SMIM14: variants seen among roughly 807,000 people sequenced by gnomAD.
The protein encoded by SMIM14 is chromosome 4 open reading frame 34.
Under a neutral mutation model 12.6 loss-of-function variants are expected in SMIM14, and 5 were observed. The ratio of observed to expected loss-of-function variants is 0.40; its 90% CI spans 0.21 to 0.83. The LOEUF (loss-of-function observed/expected upper bound fraction) is 0.83, where lower values mean the gene tolerates loss of function less well. Among genes scored for constraint, SMIM14 ranks in the 40% least tolerant of loss-of-function variants. The pLI, the probability that SMIM14 is intolerant of heterozygous loss-of-function variation, is 0.37. For synonymous variants in SMIM14, 30 were observed against 40.1 expected (o/e 0.75, Z 0.95); for missense variants, 86 against 119.1 (o/e 0.72, Z 1.29).
Position 39,549,613 on chromosome 4 carries a change from A to G in SMIM14, c.*2513T>C, listed in dbSNP as rs1038143670. 6.6e-6 allele frequency: 1 copy of G among 152,204 alleles called. No homozygotes were observed. Among genetic ancestry groups the G allele is most frequent in the African/African-American group, 2.4e-5 (1 of 41,446 alleles). 9.4% of individuals were successfully genotyped at this position (152,204 alleles called of 1,614,324 possible). A position where few individuals can be genotyped will look rare whatever the true frequency, so the allele number is the denominator to read the frequency against. ...TCAATTATTTGTGAGCCATAGATTCAGTGACTACATCAATATCTCTTGCCA... is the reference window on the plus strand; with the variant it reads ...TCAATTATTTGTGAGCCATAGATTCGGTGACTACATCAATATCTCTTGCCA... On this transcript the variant is annotated 3_prime_UTR_variant, in exon 5 of 5. Transcript: ENST00000295958.
intron 2 of SMIM14, among the ~76,000 whole-genome samples, chr4:39,595,643 CTG>C (rs1394478191): frequency 6.8e-6 from 1 of 147,488 alleles, no homozygotes; most frequent in African/African-American, 2.5e-5. Context: ...GAGTCTCACT[CTG>C]TGGCCCAGGC....
At position 39,601,946 on chromosome 4, in the gene SMIM14, T is replaced by TCA. The variant is rs200465052; in HGVS notation, c.75+3124_75+3125insTG. 9.1e-4 allele frequency among the ~76,000 whole-genome samples: 70 copies of TCA among 77,280 alleles called. 7 individuals carry two copies. Among genetic ancestry groups the TCA allele is most frequent in the Non-Finnish European group, 1.4e-3 (51 of 37,014 alleles). 50.7% of individuals were successfully genotyped at this position (77,280 alleles called of 152,430 possible). On this transcript the variant is annotated intron_variant, in intron 2 of 4. Transcript: ENST00000295958. Reference sequence around the variant, plus strand: ...TGGGGGAAAAGAATAAGACCCTATCTTAAAAAAAAAAAACAAAAAAAATGC... The same window carrying TCA: ...TGGGGGAAAAGAATAAGACCCTATCTCATAAAAAAAAAAAACAAAAAAAATGC...
chr4:39,576,275 C>G lies in SMIM14; in HGVS notation c.76-3812G>C, dbSNP rs189476707. On this transcript the variant is annotated intron_variant, in intron 2 of 4. Coordinates refer to ENST00000295958, the MANE Select transcript of SMIM14 (RefSeq NM_174921.3). ...CACATATTTTTTAAATGTCAGAGAC[C>G]CATGCAGAGAATGAAAATAGCATGG... 5.2e-3 allele frequency among the ~76,000 whole-genome samples: 794 copies of G among 151,496 alleles called. 5 individuals are homozygous for G. The highest frequency in any genetic ancestry group is 7.9e-3 in the Admixed American group (120 of 15,158).
At chr4:39,594,064 T>C (rs1271973665) in intron 2 of SMIM14, 3 of 152,132 alleles carry the variant, frequency 2.0e-5, no homozygotes, top group Non-Finnish European at 1.5e-5. Context: ...TTAAAGTTCA[T>C]ATGGAACCAA....
At position 39,626,345 on chromosome 4, in the gene SMIM14, G is replaced by T. The variant is rs181298005; in HGVS notation, c.-36+12394C>A. Among the ~76,000 whole-genome samples the T allele has an allele frequency of 2.0e-5, 3 of 152,176 alleles. No individual in the cohort carries two copies. The East Asian group carries it at 5.8e-4, about 29-fold the overall frequency. On this transcript the variant is annotated intron_variant, in intron 1 of 4. Coordinates refer to ENST00000295958, the MANE Select transcript of SMIM14 (RefSeq NM_174921.3). ...TATTCAACAAATCACAACTTCACAA[G>T]TGGCACTATTACAACTTTGGAGATA... is the stretch of plus-strand genomic sequence containing the variant.
chr4:39,596,198 C>G (rs1017530037), intron 2 of SMIM14, among the ~76,000 whole-genome samples: 1 of 152,012 alleles, frequency 6.6e-6, no homozygotes, highest in South Asian at 2.1e-4. Context: ...CAGGTCCAAG[C>G]GATTCTCCTG....
chr4:39,552,241 G>T (rs1212145400), intron 4 of SMIM14, 83 bp from the exon 5 acceptor site: 3 of 1,244,590 alleles, frequency 2.4e-6, no homozygotes, highest in South Asian at 1.6e-5. Context: ...TTTAAAAATT[G>T]ACTTATTAAA....
At chr4:39,556,087 T>C (rs775581021) in intron 4 of SMIM14, among the ~76,000 whole-genome samples, 1 of 150,438 alleles carries the variant, frequency 6.6e-6, no homozygotes, top group Non-Finnish European at 1.5e-5. Flanking sequence ...GGTGGGAGCC[T>C]AGGAGGTGGA....
intron 1 of SMIM14, among the ~76,000 whole-genome samples, chr4:39,619,790 T>C (rs1715395043): frequency 7.2e-6 from 1 of 139,024 alleles, no homozygotes; most frequent in Admixed American, 7.5e-5. Flanking sequence ...TTATATATAT[T>C]TATATATATC....
chr4:39,606,100 C>T (rs1714793480), intron 1 of SMIM14, among the ~76,000 whole-genome samples: 1 of 152,132 alleles, frequency 6.6e-6, no homozygotes, highest in African/African-American at 2.4e-5. Context: ...AATCCCAGCA[C>T]TTTGGGAGGC....
At chr4:39,572,524 T>A in intron 2 of SMIM14, 61 bp from the exon 3 acceptor site, 3 of 1,413,274 alleles carry the variant, frequency 2.1e-6, no homozygotes, top group Non-Finnish European at 3.0e-6. Flanking sequence ...ACCATAATTA[T>A]TAGAAAGATC....
At chr4:39,636,320 C>T (rs6848953) in intron 1 of SMIM14, among the ~76,000 whole-genome samples, 2,696 of 152,120 alleles carry the variant, frequency 0.018, 102 homozygotes, top group African/African-American at 0.06. Flanking sequence ...AATCAAACCA[C>T]TGAGTAGCAA....
At chr4:39,579,919 G>A (rs981625766) in intron 2 of SMIM14, among the ~76,000 whole-genome samples, 21 of 150,880 alleles carry the variant, frequency 1.4e-4, no homozygotes, top group African/African-American at 5.1e-4. Flanking sequence ...AGATTCTAAT[G>A]ACAACAAGTG....
chr4:39,574,442 C>T (rs369170373), intron 2 of SMIM14, among the ~76,000 whole-genome samples: 33 of 152,118 alleles, frequency 2.2e-4, no homozygotes, highest in African/African-American at 7.7e-4. Flanking sequence ...AAGGTTTCAC[C>T]ATGTTGCCCA....
intron 1 of SMIM14, among the ~76,000 whole-genome samples, chr4:39,629,475 C>A (rs1161837182): frequency 1.5e-5 from 2 of 131,992 alleles, no homozygotes; most frequent in African/African-American, 5.6e-5. Flanking sequence ...GAGACAGGGT[C>A]TCTATTGCCC....
At position 39,546,851 on chromosome 4, in the gene SMIM14, A is replaced by C. The variant is rs1459506781; in HGVS notation, c.*5275T>G. On this transcript the variant is annotated 3_prime_UTR_variant, in exon 5 of 5. Transcript: ENST00000295958. ...GTGTTACTATTTTTACATGTATATG[A>C]GTATTCATGACCTTTAATGTCTGGA... 2.6e-5 allele frequency: 4 copies of C among 152,218 alleles called. No individual in the cohort carries two copies. The highest frequency in any genetic ancestry group is 5.9e-5 in the Non-Finnish European group (4 of 68,044). The allele number at this position is 152,218 out of a possible 1,614,324, so 9.4% of individuals were successfully genotyped here.
intron 1 of SMIM14, among the ~76,000 whole-genome samples, chr4:39,633,242 C>T (rs960439924): frequency 2.0e-5 from 3 of 151,578 alleles, no homozygotes; most frequent in Admixed American, 1.3e-4. Flanking sequence ...TACAGTGAGC[C>T]GAGATCACCC....
chr4:39,629,316 G>A (rs550446004), intron 1 of SMIM14, among the ~76,000 whole-genome samples: 99 of 142,278 alleles, frequency 7.0e-4, no homozygotes, highest in Middle Eastern at 7.6e-3. Context: ...AGCCGAGATC[G>A]TGCCACTGCA....
chr4:39,554,654 C>CT (rs111326390), intron 4 of SMIM14, among the ~76,000 whole-genome samples: 24,328 of 95,136 alleles, frequency 0.26, 3,464 homozygotes, highest in South Asian at 0.35. Context: ...GGAAATTTTC[C>CT]TTTTTTTTTT....
Sources: gnomAD v4.1 joint callset for allele counts (sites outside exome capture counted in the v4.1 genomes callset) on GRCh38, gnomAD v4.1.1 for gene constraint, MANE v1.5 for transcripts, NCBI Gene and HGNC (gene_info 2026-07-23, HGNC 2026-07-21) for gene names.